The following TMCO4 variants were observed in gnomAD, a reference collection of about 807,000 sequenced individuals.
TMCO4 encodes the protein transmembrane and coiled-coil domains 4.
Under a neutral mutation model 64.7 loss-of-function variants are expected in TMCO4, and 58 were observed. The ratio of observed to expected loss-of-function variants is 0.90; its 90% CI spans 0.73 to 1.12. The LOEUF (loss-of-function observed/expected upper bound fraction) is 1.12. TMCO4 is among the 50% of genes most tolerant of loss of function. TMCO4 has a pLI of 0.00. For missense variants in TMCO4, 780 were observed against 825.9 expected, an observed-to-expected ratio of 0.94 and a Z score of 0.68; for synonymous variants, 325 against 346.1, an observed-to-expected ratio of 0.94 and a Z score of 0.68.
chr1:19,731,423 T>C (rs1051723664), intron 13 of TMCO4, among the ~76,000 whole-genome samples: 4 of 152,250 alleles, frequency 2.6e-5, no homozygotes, highest in African/African-American at 9.6e-5. Context: ...TAAAAACCTG[T>C]TGTAGATACT....
chr1:19,733,551 G>A (rs905082717), intron 13 of TMCO4, among the ~76,000 whole-genome samples: 4 of 152,214 alleles, frequency 2.6e-5, no homozygotes, highest in Admixed American at 6.5e-5. Context: ...CACCCTGTGC[G>A]TGGGCTGGGC....
chr1:19,720,004 A>ATT (rs2095374477), intron 13 of TMCO4, among the ~76,000 whole-genome samples: 3 of 105,690 alleles, frequency 2.8e-5, no homozygotes, highest in Non-Finnish European at 6.0e-5. Flanking sequence ...AAAGGAAAAT[A>ATT]ATTTTTTTTT....
intron 13 of TMCO4, among the ~76,000 whole-genome samples, chr1:19,733,589 A>G (rs1451067903): frequency 1.3e-5 from 2 of 152,288 alleles, no homozygotes; most frequent in East Asian, 1.9e-4. Flanking sequence ...CAGGGGAGCT[A>G]TTTCCAAAAT....
chr1:19,700,737 A>T (rs1276870711), intron 14 of TMCO4, 31 bp downstream of exon 14: 2 of 1,575,726 alleles, frequency 1.3e-6, no homozygotes, highest in Non-Finnish European at 1.7e-6. Context: ...AAGCATTGTC[A>T]CTTCCCCGCT....
At chr1:19,760,976 A>G (rs958257411) in intron 6 of TMCO4, among the ~76,000 whole-genome samples, 4 of 152,222 alleles carry the variant, frequency 2.6e-5, no homozygotes, top group African/African-American at 9.6e-5. Context: ...ATGACCAATA[A>G]TCCTATTAAT....
chr1:19,771,910 G>A (rs1458518396), intron 4 of TMCO4, among the ~76,000 whole-genome samples: 1 of 152,162 alleles, frequency 6.6e-6, no homozygotes, highest in South Asian at 2.1e-4. Flanking sequence ...CACCCGCCCC[G>A]GCCTCCCAAA....
At chr1:19,708,901 G>A (rs539930382) in intron 13 of TMCO4, among the ~76,000 whole-genome samples, 6 of 152,294 alleles carry the variant, frequency 3.9e-5, no homozygotes, top group African/African-American at 1.2e-4. Flanking sequence ...TGTGTGCAGC[G>A]AGTGATAAGG....
chr1:19,793,707 C>T (rs1054638718), intron 2 of TMCO4, among the ~76,000 whole-genome samples: 5 of 152,186 alleles, frequency 3.3e-5, no homozygotes, highest in Non-Finnish European at 7.3e-5. Context: ...CTCCCACCCT[C>T]GCTTCAGCAG....
chr1:19,797,641 C>T (rs898243343), intron 2 of TMCO4, among the ~76,000 whole-genome samples: 6 of 152,062 alleles, frequency 3.9e-5, no homozygotes, highest in African/African-American at 7.2e-5. Flanking sequence ...GAGGCTGAGG[C>T]GGGCAGATCA....
At chr1:19,714,591 T>C (rs935609473) in intron 13 of TMCO4, among the ~76,000 whole-genome samples, 3 of 152,200 alleles carry the variant, frequency 2.0e-5, no homozygotes, top group African/African-American at 7.2e-5. Context: ...GTAGCCTAGA[T>C]TGAGAACCTA....
chr1:19,705,252 A>G (rs1245831667), intron 13 of TMCO4, among the ~76,000 whole-genome samples: 2 of 152,084 alleles, frequency 1.3e-5, no homozygotes, highest in African/African-American at 4.8e-5. Flanking sequence ...GGAGTTTGAG[A>G]CCAGCCTGGC....
At chr1:19,788,636 G>A (rs1179044923) in intron 2 of TMCO4, among the ~76,000 whole-genome samples, 1 of 152,174 alleles carries the variant, frequency 6.6e-6, no homozygotes, top group Admixed American at 6.5e-5. Context: ...CCTGTGTCCA[G>A]TGACACTGGC....
intron 13 of TMCO4, among the ~76,000 whole-genome samples, chr1:19,704,542 T>C (rs760418759): frequency 6.6e-6 from 1 of 152,192 alleles, no homozygotes; most frequent in African/African-American, 2.4e-5. Flanking sequence ...CATATGCGGG[T>C]TATCGTTGCT....
At chr1:19,784,037 A>G (rs1268462422) in intron 3 of TMCO4, among the ~76,000 whole-genome samples, 1 of 152,190 alleles carries the variant, frequency 6.6e-6, no homozygotes, top group East Asian at 1.9e-4. Flanking sequence ...TTTCCACTAC[A>G]TTTAATCAAC....
At chr1:19,699,145 G>C (rs1361841932) in intron 14 of TMCO4, among the ~76,000 whole-genome samples, 1 of 151,584 alleles carries the variant, frequency 6.6e-6, no homozygotes, top group African/African-American at 2.4e-5. Flanking sequence ...GCAGTGAGCT[G>C]AGATTGCAAC....
intron 13 of TMCO4, among the ~76,000 whole-genome samples, chr1:19,705,763 T>C (rs1476208031): frequency 6.6e-6 from 1 of 151,512 alleles, no homozygotes; most frequent in Non-Finnish European, 1.5e-5. Flanking sequence ...AAAAAGACGA[T>C]ACTGGCTGCT....
chr1:19,753,654 A>C (rs2100927549), intron 7 of TMCO4, among the ~76,000 whole-genome samples: 1 of 152,248 alleles, frequency 6.6e-6, no homozygotes, highest in Middle Eastern at 3.4e-3. Flanking sequence ...AAAAAAAGAA[A>C]ATGTGTGCTG....
chr1:19,755,898 A>G (rs1003385892), intron 6 of TMCO4, 132 bp from the exon 7 acceptor site: 5 of 1,024,990 alleles, frequency 4.9e-6, no homozygotes, highest in Non-Finnish European at 7.1e-6. Flanking sequence ...AGTCAATGAA[A>G]AAAATGACAC....
chr1:19,682,655 T>C lies in TMCO4; in HGVS notation c.*385A>G, dbSNP rs764624118. On this transcript the variant is annotated 3_prime_UTR_variant, in exon 16 of 16. Coordinates refer to ENST00000294543, the MANE Select transcript of TMCO4 (RefSeq NM_181719.7). ...TATTGAGGCCAGGGGAGAGCTGGTG[T>C]GGGAGCCTCAGGCCCCAGAGAGCCC... 55 of 717,440 alleles carry C rather than the reference T, an allele frequency of 7.7e-5. No individual in the cohort carries two copies. Among genetic ancestry groups the C allele is most frequent in the Non-Finnish European group, 1.4e-4 (52 of 385,088 alleles). 44.4% of individuals were successfully genotyped at this position (717,440 alleles called of 1,614,324 possible).
Sources: gnomAD v4.1 joint callset for allele counts (sites outside exome capture counted in the v4.1 genomes callset) on GRCh38, gnomAD v4.1.1 for gene constraint, MANE v1.5 for transcripts, NCBI Gene and HGNC (gene_info 2026-07-23, HGNC 2026-07-21) for gene names.